The following ITPRID2 variants were observed in gnomAD, a reference collection of about 807,000 sequenced individuals.
ITPRID2 encodes protein ITPRID2.
Under a neutral mutation model 124.3 loss-of-function variants are expected in ITPRID2, and 60 were observed. The ratio of observed to expected loss-of-function variants is 0.48; its 90% CI spans 0.39 to 0.60. The LOEUF (loss-of-function observed/expected upper bound fraction) is 0.60, where lower values mean the gene tolerates loss of function less well. ITPRID2 is among the 20% of genes least tolerant of loss of function. The pLI, the probability that ITPRID2 is intolerant of heterozygous loss-of-function variation, is 0.00. For synonymous variants in ITPRID2, 521 were observed against 542.9 expected (o/e 0.96, Z 0.56); for missense variants, 1,553 against 1,512.2 (o/e 1.03, Z -0.45).
At chr2:181,900,665 A>G in intron 6 of ITPRID2, 31 bp from the exon 7 acceptor site, 1 of 1,461,712 alleles carries the variant, frequency 6.8e-7, no homozygotes, top group Non-Finnish European at 9.5e-7. Flanking sequence ...TTATATTTTC[A>G]TGTTTCCTTT....
Position 181,913,928 on chromosome 2 carries a change from C to T in ITPRID2, c.1570C>T (p.Leu524Phe), listed in dbSNP as rs546835766. 9.9e-6 allele frequency: 16 copies of T among 1,611,170 alleles called. No individual in the cohort carries two copies. The highest frequency in any genetic ancestry group is 6.7e-5 in the Admixed American group (4 of 59,560). ...TACAGACTGCCTATCCCTTAATCAT[C>T]TTCAGGTAAAATTTTCTGTTCTAAT... is the stretch of plus-strand genomic sequence containing the variant. ...DSTDCLSLNH[L>F]QVQESLQAMG... Residue 524 changes from leucine to phenylalanine, a missense_variant, in exon 10 of 18, where the codon CTT becomes TTT. Physicochemically the swap from Leu to Phe is conservative, Grantham distance 22. Coordinates refer to ENST00000431877, the MANE Select transcript of ITPRID2 (RefSeq NM_001130445.3).
rs1693996702 is a variant in ITPRID2 at position 181,915,870 on chromosome 2, T to G, written c.2230T>G (p.Leu744Val). 1 of 1,614,082 alleles carries G rather than the reference T, an allele frequency of 6.2e-7. No homozygotes were observed. The highest frequency in any genetic ancestry group is 1.7e-5 in the Admixed American group (1 of 60,008). ...AAGGTCTCAGTCTTTACCAACCACC[T>G]TATTGAGCCCAGTAAGGGTTGTGTC... Reference protein sequence around the residue: ...LRRSQSLPTTLLSPVRVVSSV... With the variant: ...LRRSQSLPTTVLSPVRVVSSV... Residue 744 changes from leucine (L) to valine (V), a missense_variant, in exon 11 of 18, where the codon TTA becomes GTA. Leu to Val is a conservative substitution (Grantham distance 32). Transcript: ENST00000431877.
intron 8 of ITPRID2, among the ~76,000 whole-genome samples, chr2:181,904,421 A>C (rs902415283): frequency 6.6e-6 from 1 of 152,188 alleles, no homozygotes; most frequent in African/African-American, 2.4e-5. Context: ...ATATATTTAA[A>C]ATATGGATAA....
Position 181,916,434 on chromosome 2 carries a change from GAA to G in ITPRID2, c.2787+11_2787+12del, listed in dbSNP as rs35292518. On this transcript the variant is annotated splice_region_variant and intron_variant, in intron 11 of 17. Transcript: ENST00000431877. ...ACTGCAGAATCTTTCACAGGTATGA[GAA>G]AAAGTATGTTATCATTAGCTTTTTT... The G allele has an allele frequency of 2.5e-6, 4 of 1,606,624 alleles. No individual in the cohort carries two copies. Among genetic ancestry groups the G allele is most frequent in the Admixed American group, 3.4e-5 (2 of 59,068 alleles).
chr2:181,898,828 A>G, intron 4 of ITPRID2, 52 bp from the exon 5 acceptor site: 7 of 1,224,788 alleles, frequency 5.7e-6, no homozygotes, highest in Non-Finnish European at 8.4e-6. Flanking sequence ...GTATCATAGT[A>G]GTTATAGTCC....
Position 181,929,708 on chromosome 2 carries a change from T to A in ITPRID2, c.*161T>A, listed in dbSNP as rs1407955712. 1 of 1,290,786 alleles carries A rather than the reference T, an allele frequency of 7.7e-7. No individual in the cohort carries two copies. The highest frequency in any genetic ancestry group is 2.5e-5 in the East Asian group (1 of 40,708). 80.0% of individuals were successfully genotyped at this position (1,290,786 alleles called of 1,614,324 possible). A position where few individuals can be genotyped will look rare whatever the true frequency, so the allele number is the denominator to read the frequency against. On this transcript the variant is annotated 3_prime_UTR_variant, in exon 18 of 18. Transcript: ENST00000431877. ...TGTGTATTTCTTCAACCATATATTTTAAAAAGACGTACATAGAAACTTAGG... is the reference window on the plus strand; with the variant it reads ...TGTGTATTTCTTCAACCATATATTTAAAAAAGACGTACATAGAAACTTAGG...
At chr2:181,924,073 AT>A (rs1482678463) in intron 16 of ITPRID2, among the ~76,000 whole-genome samples, 1 of 152,218 alleles carries the variant, frequency 6.6e-6, no homozygotes, top group Non-Finnish European at 1.5e-5. Flanking sequence ...TATTTAAACC[AT>A]TAATTAGAAA....
At chr2:181,927,460 C>T (rs1194370431) in intron 16 of ITPRID2, among the ~76,000 whole-genome samples, 1 of 152,170 alleles carries the variant, frequency 6.6e-6, no homozygotes, top group African/African-American at 2.4e-5. Context: ...GTCATTTCCT[C>T]AGGTCTGTTT....
intron 13 of ITPRID2, 66 bp downstream of exon 13, chr2:181,918,948 T>A: frequency 6.4e-7 from 1 of 1,572,394 alleles, no homozygotes. Context: ...TCAACTTATA[T>A]TTTTTAAAAT....
At chr2:181,914,501 A>G (rs1693874705) in intron 10 of ITPRID2, among the ~76,000 whole-genome samples, 1 of 152,226 alleles carries the variant, frequency 6.6e-6, no homozygotes. Flanking sequence ...CTTTAGGAAC[A>G]TAGCATTTAA....
At chr2:181,912,569 A>G (rs1204148359) in intron 9 of ITPRID2, among the ~76,000 whole-genome samples, 1 of 152,208 alleles carries the variant, frequency 6.6e-6, no homozygotes, top group African/African-American at 2.4e-5. Context: ...GTTGACTTTA[A>G]TAGATTTTAA....
chr2:181,922,592 G>A (rs1286693010), intron 16 of ITPRID2, among the ~76,000 whole-genome samples, 180 bp downstream of exon 16: 1 of 152,044 alleles, frequency 6.6e-6, no homozygotes, highest in East Asian at 1.9e-4. Context: ...ATTTGTAATG[G>A]CATTTCTGCA....
At position 181,919,382 on chromosome 2, in the gene ITPRID2, T is replaced by C. The variant is rs777895746; in HGVS notation, c.3080T>C (p.Leu1027Pro). The C allele has an allele frequency of 1.9e-6, 3 of 1,614,026 alleles. No individual in the cohort carries two copies. Among genetic ancestry groups the C allele is most frequent in the Non-Finnish European group, 2.5e-6 (3 of 1,179,968 alleles). ...GAACTGCAGCTGGAGGAGCGCCTGC[T>C]GGGCCTGGAGGAGCAGCTTCGTGCT... is the stretch of plus-strand genomic sequence containing the variant. Reference protein sequence around the residue: ...DLELQLEERLLGLEEQLRAVR... With the variant: ...DLELQLEERLPGLEEQLRAVR... The change falls in exon 14 of 18, where the codon CTG becomes CCG. Residue 1027 changes from leucine (L) to proline (P), a missense_variant. Physicochemically the swap from Leu to Pro is moderately conservative, Grantham distance 98. Transcript: ENST00000431877. The surrounding 1 kb of genome is among the most constrained non-coding windows in gnomAD (Gnocchi z 4.2).
chr2:181,895,889 C>T (rs1321122463), intron 2 of ITPRID2, 141 bp from the exon 3 acceptor site: 1 of 695,138 alleles, frequency 1.4e-6, no homozygotes, highest in Non-Finnish European at 2.6e-6. Context: ...AATCTACTTG[C>T]ATTCCTTGTG....
intron 9 of ITPRID2, among the ~76,000 whole-genome samples, chr2:181,913,077 A>ATT (rs199523016): frequency 2.0e-5 from 3 of 151,124 alleles, no homozygotes; most frequent in African/African-American, 7.3e-5. Flanking sequence ...TTATTTATTT[A>ATT]TTTTTTTTGA....
At chr2:181,928,586 T>C (rs1324454567) in intron 17 of ITPRID2, among the ~76,000 whole-genome samples, 1 of 152,116 alleles carries the variant, frequency 6.6e-6, no homozygotes, top group Non-Finnish European at 1.5e-5. Flanking sequence ...ATTTCAGATG[T>C]ATAGTTTTAA....
chr2:181,891,848 C>T lies in ITPRID2; in HGVS notation c.-219C>T, dbSNP rs532165155. On this transcript the variant is annotated 5_prime_UTR_variant, in exon 1 of 18. Transcript: ENST00000431877. ...GGCCACTAGCGCTCCCGCGCGCGCC[C>T]GGCCGCCTTCATGTGAAGCGCCGGC... 9.3e-6 allele frequency: 3 copies of T among 323,572 alleles called. No individual in the cohort carries two copies. The highest frequency in any genetic ancestry group is 1.7e-5 in the Non-Finnish European group (3 of 172,638). The allele number at this position is 323,572 out of a possible 1,614,324, so 20.0% of individuals were successfully genotyped here. A position where few individuals can be genotyped will look rare whatever the true frequency, so the allele number is the denominator to read the frequency against.
chr2:181,915,664 A>G lies in ITPRID2; in HGVS notation c.2024A>G (p.Asp675Gly), dbSNP rs747687637. 1.2e-6 allele frequency: 2 copies of G among 1,614,132 alleles called. No individual in the cohort carries two copies. The highest frequency in any genetic ancestry group is 1.7e-5 in the Admixed American group (1 of 60,008). ...GCTTCTATTGAAGCTAAATGCAGTG[A>G]TATGAGCTCTGAAAATACAACTGGG... ...SLASIEAKCS[D>G]MSSENTTGPP... Residue 675 changes from aspartate (D) to glycine (G), a missense_variant, in exon 11 of 18, where the codon GAT (aspartate) becomes GGT (glycine). Asp to Gly is a moderately conservative substitution (Grantham distance 94, BLOSUM62 -1). Transcript: ENST00000431877.
At chr2:181,911,273 C>T (rs1693584263) in intron 9 of ITPRID2, among the ~76,000 whole-genome samples, 1 of 152,220 alleles carries the variant, frequency 6.6e-6, no homozygotes, top group South Asian at 2.1e-4. Flanking sequence ...GAGTTAGAAA[C>T]ACTCGTAATA....
Sources: allele counts gnomAD v4.1 joint callset (sites outside exome capture counted in the v4.1 genomes callset), GRCh38; gene constraint gnomAD v4.1.1; non-coding constraint Gnocchi (gnomAD v3.1); transcripts MANE v1.5; gene names NCBI Gene and HGNC (gene_info 2026-07-23, HGNC 2026-07-21).